The following NKAIN2 variants were observed in gnomAD, a reference collection of about 807,000 sequenced individuals.
The protein encoded by NKAIN2 is sodium/potassium-transporting ATPase subunit beta-1-interacting protein 2.
In NKAIN2, 14 loss-of-function variants were observed where a neutral mutation model predicts 32.6. The observed-to-expected ratio is 0.43, with a 90% CI of 0.28 to 0.67. The LOEUF (loss-of-function observed/expected upper bound fraction) is 0.67. Among genes scored for constraint, NKAIN2 ranks in the 30% least tolerant of loss-of-function variants. The pLI is 0.17. For missense variants in NKAIN2, 198 were observed against 258.3 expected, an observed-to-expected ratio of 0.77 and a Z score of 1.60; for synonymous variants, 80 against 87.2, an observed-to-expected ratio of 0.92 and a Z score of 0.46.
chr6:124,358,872 C>T (rs543904526), intron 3 of NKAIN2, among the ~76,000 whole-genome samples: 144 of 151,152 alleles, frequency 9.5e-4, no homozygotes, highest in African/African-American at 3.4e-3. Flanking sequence ...AATGGTATTG[C>T]CTAGGTTTTC....
chr6:124,490,460 C>A, intron 3 of NKAIN2: 2 of 348,902 alleles, frequency 5.7e-6, no homozygotes, highest in South Asian at 2.3e-5. Flanking sequence ...TCACTGTTTC[C>A]TTGATATCAC....
At chr6:124,119,637 T>C (rs2114986218) in intron 1 of NKAIN2, among the ~76,000 whole-genome samples, 1 of 152,194 alleles carries the variant, frequency 6.6e-6, no homozygotes, top group Admixed American at 6.5e-5. Flanking sequence ...GCATCTGTGA[T>C]GCAAATGAGA....
chr6:124,640,403 A>T (rs574089882), intron 3 of NKAIN2, among the ~76,000 whole-genome samples: 1 of 152,342 alleles, frequency 6.6e-6, no homozygotes, highest in Admixed American at 6.5e-5. Flanking sequence ...TGGCAGTAAT[A>T]TCTCTGGAAA....
At chr6:124,474,875 T>TAATATATAATA (rs1562207704) in intron 3 of NKAIN2, among the ~76,000 whole-genome samples, 1 of 146,894 alleles carries the variant, frequency 6.8e-6, no homozygotes, top group Non-Finnish European at 1.5e-5. Context: ...TATACATATA[T>TAATATATAATA]TGTATATTAT....
chr6:124,382,198 G>T (rs572345760), intron 3 of NKAIN2, among the ~76,000 whole-genome samples: 1 of 152,016 alleles, frequency 6.6e-6, no homozygotes, highest in Admixed American at 6.6e-5. Context: ...TTATTTAAAA[G>T]ACTACTGAGT....
At chr6:124,110,959 G>A (rs114985726) in intron 1 of NKAIN2, among the ~76,000 whole-genome samples, 1,554 of 152,180 alleles carry the variant, frequency 0.01, 30 homozygotes, top group African/African-American at 0.035. Flanking sequence ...GTAGAATTTA[G>A]TAGTGAAGTC....
chr6:124,677,909 A>G (rs1467103103), intron 4 of NKAIN2, among the ~76,000 whole-genome samples: 2 of 152,012 alleles, frequency 1.3e-5, no homozygotes, highest in African/African-American at 4.8e-5. Flanking sequence ...TAGTGGCCAT[A>G]AACTCCTTCA....
At chr6:124,614,809 G>T (rs538313116) in intron 3 of NKAIN2, among the ~76,000 whole-genome samples, 1 of 152,104 alleles carries the variant, frequency 6.6e-6, no homozygotes, top group South Asian at 2.1e-4. Context: ...CACATATAGC[G>T]TGTCCACAGC....
intron 1 of NKAIN2, among the ~76,000 whole-genome samples, chr6:123,832,076 T>A (rs1229014546): frequency 6.6e-6 from 1 of 152,166 alleles, no homozygotes; most frequent in African/African-American, 2.4e-5. Context: ...TCCATCATTA[T>A]AGTATCATGC....
intron 1 of NKAIN2, among the ~76,000 whole-genome samples, chr6:124,229,738 GCTCT>G (rs935469368): frequency 6.1e-4 from 93 of 152,174 alleles, no homozygotes; most frequent in African/African-American, 1.9e-3. Flanking sequence ...CCCTGCACAG[GCTCT>G]CTTTTTGCCT....
rs142538748 is a variant in NKAIN2 at position 124,597,124 on chromosome 6, C to T, written c.274-61062C>T. On this transcript the variant is annotated intron_variant, in intron 3 of 6. Transcript: ENST00000368417. ...CTCAAATGTTAATCTCATCCAGAGACACTCTCACAGACACACCTACAAATC... is the reference window on the plus strand; with the variant it reads ...CTCAAATGTTAATCTCATCCAGAGATACTCTCACAGACACACCTACAAATC... Among the ~76,000 whole-genome samples the T allele has an allele frequency of 3.2e-4, 48 of 152,282 alleles. 1 individual carries two copies. Among genetic ancestry groups the T allele is most frequent in the African/African-American group, 1.1e-3 (46 of 41,568 alleles).
intron 3 of NKAIN2, among the ~76,000 whole-genome samples, chr6:124,510,100 A>T (rs1448648536): frequency 6.6e-6 from 1 of 152,016 alleles, no homozygotes. Flanking sequence ...ATGTCCTCAC[A>T]GGAATAATTA....
At chr6:124,062,828 A>G (rs890715443) in intron 1 of NKAIN2, among the ~76,000 whole-genome samples, 1 of 152,152 alleles carries the variant, frequency 6.6e-6, no homozygotes, top group African/African-American at 2.4e-5. Context: ...GGGTTTCTCT[A>G]TGGTAGGCAC....
chr6:123,992,820 T>C (rs1486627443), intron 1 of NKAIN2, among the ~76,000 whole-genome samples: 2 of 152,204 alleles, frequency 1.3e-5, no homozygotes, highest in Non-Finnish European at 2.9e-5. Flanking sequence ...ATACTTTCAC[T>C]GTCCCTTGTT....
intron 4 of NKAIN2, among the ~76,000 whole-genome samples, chr6:124,762,504 T>C (rs181044017): frequency 1.8e-4 from 28 of 152,296 alleles, no homozygotes; most frequent in Middle Eastern, 6.8e-3. Context: ...GAGAAAAATA[T>C]AGTCATAAAA....
chr6:124,474,364 G>A (rs982633532), intron 3 of NKAIN2, among the ~76,000 whole-genome samples: 1 of 152,090 alleles, frequency 6.6e-6, no homozygotes, highest in Non-Finnish European at 1.5e-5. Flanking sequence ...CACCCTCTGA[G>A]TTTGCTTCTG....
intron 1 of NKAIN2, among the ~76,000 whole-genome samples, chr6:124,069,251 A>G (rs1227088532): frequency 6.6e-6 from 1 of 152,094 alleles, no homozygotes; most frequent in African/African-American, 2.4e-5. Context: ...GAAATTGTTC[A>G]CAGTCAACTC....
At chr6:124,239,596 C>T (rs1449493717) in intron 1 of NKAIN2, among the ~76,000 whole-genome samples, 1 of 152,154 alleles carries the variant, frequency 6.6e-6, no homozygotes, top group African/African-American at 2.4e-5. Flanking sequence ...GAAACTCACT[C>T]AACACCACAC....
chr6:124,362,594 A>C (rs1265577995), intron 3 of NKAIN2, among the ~76,000 whole-genome samples: 1 of 152,022 alleles, frequency 6.6e-6, no homozygotes, highest in East Asian at 1.9e-4. Flanking sequence ...ATCTTTACAC[A>C]TATGTCTACC....
Sources: gnomAD v4.1 joint callset for allele counts (sites outside exome capture counted in the v4.1 genomes callset) on GRCh38, gnomAD v4.1.1 for gene constraint, MANE v1.5 for transcripts, NCBI Gene and HGNC (gene_info 2026-07-23, HGNC 2026-07-21) for gene names.